The following SPATA6 variants were observed in gnomAD, a reference collection of about 807,000 sequenced individuals.
SPATA6 encodes spermatogenesis associated 6.
Under a neutral mutation model 65.3 loss-of-function variants are expected in SPATA6, and 56 were observed. The observed-to-expected ratio is 0.86, with a 90% confidence interval of 0.69 to 1.07. The LOEUF is 1.07. Ranked by LOEUF, SPATA6 falls within the 50% of genes least tolerant of loss-of-function variation. The pLI is 0.00. For missense variants in SPATA6, 590 were observed against 594.8 expected, an observed-to-expected ratio of 0.99 and a Z score of 0.08; for synonymous variants, 199 against 213.2, an observed-to-expected ratio of 0.93 and a Z score of 0.58.
intron 3 of SPATA6, chr1:48,436,552 G>A (rs1403559663): frequency 6.2e-7 from 1 of 1,612,294 alleles, no homozygotes; most frequent in African/African-American, 1.3e-5. Flanking sequence ...TTCTGGTGAT[G>A]GCCTAGTGAC....
chr1:48,331,211 G>A (rs1315116330), intron 11 of SPATA6, among the ~76,000 whole-genome samples: 1 of 152,026 alleles, frequency 6.6e-6, no homozygotes, highest in East Asian at 1.9e-4. Flanking sequence ...CTCCAGCAAG[G>A]GTTCTTAACT....
At chr1:48,448,381 T>C (rs1056063153) in intron 3 of SPATA6, among the ~76,000 whole-genome samples, 1 of 152,146 alleles carries the variant, frequency 6.6e-6, no homozygotes, top group Admixed American at 6.5e-5. Flanking sequence ...CTAAAACTTT[T>C]TGAATGCTGA....
intron 6 of SPATA6, among the ~76,000 whole-genome samples, chr1:48,400,530 C>A (rs890368641): frequency 6.6e-6 from 1 of 151,880 alleles, no homozygotes; most frequent in Non-Finnish European, 1.5e-5. Flanking sequence ...AAATGGACTG[C>A]GGAGAATTTT....
the SPATA6 span, among the ~76,000 whole-genome samples, chr1:48,267,043 T>C: frequency 5.9e-5 from 9 of 152,152 alleles, no homozygotes; most frequent in Middle Eastern, 3.4e-3. Context: ...ATAAATATTT[T>C]AGATGAGTCA....
In SPATA6 at chr1:48,295,381, T is replaced by C. The variant is rs1201252962; in HGVS notation, c.*3332A>G. Reference sequence around the variant, plus strand: ...GGATAAACAAAATGTGGTATATTCATATGATGGATTATTATTTAGTAATAA... The same window carrying C: ...GGATAAACAAAATGTGGTATATTCACATGATGGATTATTATTTAGTAATAA... On this transcript the variant is annotated 3_prime_UTR_variant, in exon 13 of 13. Transcript: ENST00000371847. 1 of 152,234 alleles carries C rather than the reference T, an allele frequency of 6.6e-6. No individual in the cohort carries two copies. Among genetic ancestry groups the C allele is most frequent in the Non-Finnish European group, 1.5e-5 (1 of 68,024 alleles). The allele number at this position is 152,234 out of a possible 1,614,324, so 9.4% of individuals were successfully genotyped here.
chr1:48,360,734 C>A (rs1646788593), intron 9 of SPATA6, among the ~76,000 whole-genome samples: 1 of 152,076 alleles, frequency 6.6e-6, no homozygotes, highest in African/African-American at 2.4e-5. Flanking sequence ...TGCAGAGGGG[C>A]CAAGGGCCCT....
chr1:48,424,659 T>G (rs1653669996), intron 3 of SPATA6, among the ~76,000 whole-genome samples: 1 of 152,232 alleles, frequency 6.6e-6, no homozygotes, highest in African/African-American at 2.4e-5. Flanking sequence ...TGTTATTTCT[T>G]GTCTTTTGGA....
At chr1:48,402,977 G>C (rs760820527) in intron 6 of SPATA6, among the ~76,000 whole-genome samples, 2 of 152,066 alleles carry the variant, frequency 1.3e-5, no homozygotes, top group Non-Finnish European at 2.9e-5. Context: ...TCCAGAGTTC[G>C]AGACCAGCCT....
chr1:48,300,170 T>C (rs1187177928), intron 12 of SPATA6, among the ~76,000 whole-genome samples: 35 of 152,238 alleles, frequency 2.3e-4, no homozygotes, highest in Non-Finnish European at 1.5e-5. Context: ...GCACTTTTTA[T>C]GTTATCAGTG....
At chr1:48,381,644 TTTTC>T (rs1215423691) in intron 9 of SPATA6, among the ~76,000 whole-genome samples, 8 of 112,802 alleles carry the variant, frequency 7.1e-5, no homozygotes, top group African/African-American at 2.5e-4. Flanking sequence ...AAGCTATGGT[TTTTC>T]TTTTTTTTTT....
chr1:48,413,150 ATC>A lies in SPATA6; in HGVS notation c.239-1_239del. The A allele has an allele frequency of 7.0e-7, 1 of 1,425,594 alleles. No homozygotes were observed. The highest frequency in any genetic ancestry group is 9.2e-7 in the Non-Finnish European group (1 of 1,088,712). The allele number at this position is 1,425,594 out of a possible 1,614,324, so 88.3% of individuals were successfully genotyped here. On this transcript the variant is annotated splice_acceptor_variant and coding_sequence_variant, in exon 4 of 13. Transcript: ENST00000371847. LOFTEE classifies it high-confidence loss of function. The stretch of plus-strand genomic sequence containing the variant: ...GTATCAACTCGAACACTGCTGTATC[ATC>A]TAAAAGTTTAAAGAAAAATTTCCTT...
At chr1:48,335,251 A>G (rs1320696202) in intron 11 of SPATA6, among the ~76,000 whole-genome samples, 1 of 152,056 alleles carries the variant, frequency 6.6e-6, no homozygotes, top group East Asian at 1.9e-4. Flanking sequence ...CAAACTACCA[A>G]TGAAAATTTT....
At chr1:48,325,367 G>A in intron 11 of SPATA6, 1 of 1,374,824 alleles carries the variant, frequency 7.3e-7, no homozygotes, top group African/African-American at 1.4e-5. Context: ...AGTTCTGCAT[G>A]CGCCTTCTCC....
intron 8 of SPATA6, among the ~76,000 whole-genome samples, chr1:48,389,201 G>A (rs1265019086): frequency 6.6e-6 from 1 of 152,158 alleles, no homozygotes; most frequent in Non-Finnish European, 1.5e-5. Flanking sequence ...AGAACCAGAT[G>A]TCAGAACTTG....
intron 11 of SPATA6, among the ~76,000 whole-genome samples, chr1:48,338,983 T>C (rs1388145166): frequency 1.3e-5 from 2 of 152,020 alleles, no homozygotes; most frequent in South Asian, 4.1e-4. Flanking sequence ...ATAGAGCTGA[T>C]ACTGCTCAAC....
At chr1:48,327,577 C>G (rs752214914) in intron 11 of SPATA6, among the ~76,000 whole-genome samples, 4 of 151,986 alleles carry the variant, frequency 2.6e-5, no homozygotes, top group Non-Finnish European at 5.9e-5. Flanking sequence ...TGATAATAAC[C>G]AAGTCATGGA....
chr1:48,322,133 A>T (rs1318989109), intron 11 of SPATA6, among the ~76,000 whole-genome samples: 1 of 152,132 alleles, frequency 6.6e-6, no homozygotes, highest in Non-Finnish European at 1.5e-5. Context: ...AGAACTAGAA[A>T]GGCAAGAAAA....
rs3767623 is a variant in SPATA6, at chr1:48,433,611, G to C, written c.238+17941C>G. On this transcript the variant is annotated intron_variant, in intron 3 of 12. Transcript: ENST00000371847. ...GCTATAGGAAATAACTTACGTGCCA[G>C]ACTACTATTAAACCTCTGTACCAGC... 3.0e-3 allele frequency among the ~76,000 whole-genome samples: 452 copies of C among 152,208 alleles called. 7 individuals carry two copies. The highest frequency in any genetic ancestry group is 0.027 in the East Asian group (138 of 5,186).
chr1:48,363,664 T>A (rs187122437), intron 9 of SPATA6, among the ~76,000 whole-genome samples: 2 of 152,152 alleles, frequency 1.3e-5, no homozygotes, highest in African/African-American at 4.8e-5. Context: ...AATGCAATAC[T>A]TTCAATATGG....
Sources: allele counts gnomAD v4.1 joint callset (sites outside exome capture counted in the v4.1 genomes callset), GRCh38; gene constraint gnomAD v4.1.1; transcripts MANE v1.5; gene names NCBI Gene and HGNC (gene_info 2026-07-23, HGNC 2026-07-21).